RANBP2: variants seen among roughly 807,000 people sequenced by gnomAD.
The protein encoded by RANBP2 is RAN binding protein 2.
RANBP2 carries 57 observed loss-of-function variants against 303.6 expected under a neutral mutation model. The observed-to-expected ratio is 0.19, with a 90% CI of 0.15 to 0.23. RANBP2 has a LOEUF of 0.23. Among genes scored for constraint, RANBP2 ranks in the 10% least tolerant of loss-of-function variants. RANBP2 has a pLI of 1.00. For missense variants in RANBP2, 3,138 were observed against 3,780.8 expected (o/e 0.83, Z 4.46); for synonymous variants, 1,167 against 1,301.5 (o/e 0.90, Z 2.23).
At chr2:109,472,201 TTAGA>T in the RANBP2 span, among the ~76,000 whole-genome samples, 2 of 152,204 alleles carry the variant, frequency 1.3e-5, no homozygotes, top group Non-Finnish European at 1.5e-5. Context: ...CAGTTAAAAA[TTAGA>T]TAGGGATAAA....
At chr2:108,894,631 T>TCTC in the RANBP2 span, 1 of 152,604 alleles carries the variant, frequency 6.6e-6, no homozygotes, top group African/African-American at 2.4e-5. Context: ...ATTATGAATA[T>TCTC]CTCCACACAA....
chr2:109,226,548 T>G, the RANBP2 span, among the ~76,000 whole-genome samples: 22 of 152,350 alleles, frequency 1.4e-4, no homozygotes, highest in Admixed American at 1.2e-3. Context: ...GTTTAGATTT[T>G]TACTGTTCTT....
chr2:109,154,618 C>G, the RANBP2 span, among the ~76,000 whole-genome samples: 3 of 152,224 alleles, frequency 2.0e-5, no homozygotes, highest in Non-Finnish European at 4.4e-5. Context: ...CTGTCTTTCT[C>G]TTTGTCCTGG....
the RANBP2 span, among the ~76,000 whole-genome samples, chr2:109,464,729 G>C: frequency 2.0e-5 from 3 of 152,152 alleles, no homozygotes; most frequent in Admixed American, 1.3e-4. Context: ...TATACTCCCT[G>C]CTCCCACACA....
At chr2:108,883,121 C>T in the RANBP2 span, 1 of 152,170 alleles carries the variant, frequency 6.6e-6, no homozygotes, top group African/African-American at 2.4e-5. Context: ...GAGCCCAAAG[C>T]CTTTAGATAT....
the RANBP2 span, among the ~76,000 whole-genome samples, chr2:109,046,326 T>A: frequency 6.7e-6 from 1 of 148,262 alleles, no homozygotes; most frequent in Non-Finnish European, 1.5e-5. Context: ...AGAAAAAAAA[T>A]CTGAAAGGAT....
the RANBP2 span, among the ~76,000 whole-genome samples, chr2:109,470,359 T>C: frequency 6.6e-6 from 1 of 152,188 alleles, no homozygotes; most frequent in African/African-American, 2.4e-5. Flanking sequence ...GATCATCTTT[T>C]CCAGAGTTTT....
chr2:109,300,154 G>A, the RANBP2 span, among the ~76,000 whole-genome samples: 1 of 152,096 alleles, frequency 6.6e-6, no homozygotes, highest in Non-Finnish European at 1.5e-5. Context: ...ACAGGGATGG[G>A]AAGAATAATG....
At chr2:109,477,439 C>T in the RANBP2 span, among the ~76,000 whole-genome samples, 1 of 152,226 alleles carries the variant, frequency 6.6e-6, no homozygotes, top group African/African-American at 2.4e-5. Context: ...ACCTCAAAGT[C>T]CCGAAACGGG....
At chr2:109,039,414 G>T in the RANBP2 span, among the ~76,000 whole-genome samples, 1,028 of 152,174 alleles carry the variant, frequency 6.8e-3, 6 homozygotes, top group East Asian at 0.034. Context: ...GCAGCAGCGC[G>T]ATCTCAGTTC....
chr2:109,596,918 A>G, the RANBP2 span, among the ~76,000 whole-genome samples: 2 of 152,306 alleles, frequency 1.3e-5, no homozygotes, highest in African/African-American at 4.8e-5. Flanking sequence ...ATACTGGAAA[A>G]GATTTTCTTA....
the RANBP2 span, among the ~76,000 whole-genome samples, chr2:109,014,764 G>C: frequency 6.6e-6 from 1 of 152,184 alleles, no homozygotes. Flanking sequence ...CCCAGCCCCA[G>C]CATGAGTGTG....
chr2:109,738,117 G>C, the RANBP2 span, among the ~76,000 whole-genome samples: 15 of 151,414 alleles, frequency 9.9e-5, no homozygotes, highest in Admixed American at 9.2e-4. Context: ...TTGTTTTGTT[G>C]CCTGTGTTTT....
the RANBP2 span, among the ~76,000 whole-genome samples, chr2:109,548,217 G>GA: frequency 6.6e-6 from 1 of 151,680 alleles, no homozygotes; most frequent in Non-Finnish European, 1.5e-5. Context: ...AGCTCCATAG[G>GA]AATCAGCTGT....
the RANBP2 span, chr2:108,930,972 C>G: frequency 3.1e-6 from 5 of 1,613,920 alleles, no homozygotes; most frequent in Non-Finnish European, 3.4e-6. Flanking sequence ...ACCACCAGGA[C>G]GGGGAGCCAG....
the RANBP2 span, among the ~76,000 whole-genome samples, chr2:109,256,904 ATG>A: frequency 6.6e-6 from 1 of 152,036 alleles, no homozygotes; most frequent in Non-Finnish European, 1.5e-5. Flanking sequence ...TGGCATTTTT[ATG>A]TGTTTTTCAT....
the RANBP2 span, among the ~76,000 whole-genome samples, chr2:109,170,162 C>T: frequency 1.3e-5 from 2 of 152,128 alleles, no homozygotes; most frequent in African/African-American, 4.8e-5. Flanking sequence ...CTAATACCAT[C>T]GTCGGCTCTT....
the RANBP2 span, among the ~76,000 whole-genome samples, chr2:108,908,584 G>A: frequency 2.0e-5 from 3 of 152,098 alleles, no homozygotes; most frequent in Non-Finnish European, 2.9e-5. Context: ...AAGCCCCAGC[G>A]GGTGAGCTGG....
chr2:109,558,248 G>C, the RANBP2 span, among the ~76,000 whole-genome samples: 1 of 152,202 alleles, frequency 6.6e-6, no homozygotes, highest in Non-Finnish European at 1.5e-5. Flanking sequence ...TTCAAGTACA[G>C]TTCCGATAAG....
Sources: allele counts gnomAD v4.1 joint callset (sites outside exome capture counted in the v4.1 genomes callset), GRCh38; gene constraint gnomAD v4.1.1; transcripts MANE v1.5; gene names NCBI Gene and HGNC (gene_info 2026-07-23, HGNC 2026-07-21).